Variants in ADAM12 observed in about 807,000 individuals in gnomAD.
ADAM12 encodes the protein disintegrin and metalloproteinase domain-containing protein 12.
Under a neutral mutation model 106.4 loss-of-function variants are expected in ADAM12, and 70 were observed. The observed-to-expected ratio is 0.66, with a 90% confidence interval of 0.54 to 0.80. The LOEUF is 0.80. Ranked by LOEUF, ADAM12 falls within the 30% of genes least tolerant of loss-of-function variation. The probability of loss-of-function intolerance (pLI) is 0.00; values close to 1 mark genes in which losing one functional copy is unlikely to be tolerated. For missense variants in ADAM12, 1,010 were observed against 1,171.9 expected (o/e 0.86, Z 2.02); for synonymous variants, 420 against 433.5 (o/e 0.97, Z 0.39).
At position 126,261,780 on chromosome 10, in the gene ADAM12, C is replaced by T. The variant is rs556973906; in HGVS notation, c.260+17135G>A. On this transcript the variant is annotated intron_variant, in intron 3 of 22. Transcript: ENST00000448723. Reference sequence around the variant, plus strand: ...CCACAGATTAAAAGGCCTTTTCTCTCTTAATAAGGATGGATGGATAGTATT... The same window carrying T: ...CCACAGATTAAAAGGCCTTTTCTCTTTTAATAAGGATGGATGGATAGTATT... 4.6e-5 allele frequency among the ~76,000 whole-genome samples: 7 copies of T among 150,600 alleles called. 1 individual carries two copies. Among genetic ancestry groups the T allele is most frequent in the Admixed American group, 1.3e-4 (2 of 14,930 alleles).
intron 3 of ADAM12, among the ~76,000 whole-genome samples, chr10:126,274,826 A>G (rs932751801): frequency 2.6e-5 from 4 of 152,192 alleles, no homozygotes; most frequent in Admixed American, 6.5e-5. Context: ...TGCCATCTCC[A>G]CACTGGTTAC....
At chr10:126,117,040 T>C (rs1240560727) in intron 6 of ADAM12, among the ~76,000 whole-genome samples, 1 of 152,156 alleles carries the variant, frequency 6.6e-6, no homozygotes, top group Non-Finnish European at 1.5e-5. Flanking sequence ...ACAAGCGACA[T>C]CCTATCTATA....
intron 14 of ADAM12, among the ~76,000 whole-genome samples, chr10:126,051,901 G>C (rs933464091): frequency 8.5e-5 from 13 of 152,188 alleles, no homozygotes; most frequent in African/African-American, 2.9e-4. Context: ...GGAGGGTTCA[G>C]GGGACTGTTG....
chr10:126,189,316 A>C (rs1327495828), intron 3 of ADAM12, among the ~76,000 whole-genome samples: 1 of 152,200 alleles, frequency 6.6e-6, no homozygotes, highest in African/African-American at 2.4e-5. Context: ...GGAGAAGTTC[A>C]GTGGGGATGA....
At chr10:126,112,559 A>G (rs545564276) in intron 6 of ADAM12, among the ~76,000 whole-genome samples, 1 of 152,068 alleles carries the variant, frequency 6.6e-6, no homozygotes, top group Non-Finnish European at 1.5e-5. Context: ...GGGCCTCTCA[A>G]AGTCATCACA....
At chr10:126,126,494 T>C (rs916214797) in intron 5 of ADAM12, among the ~76,000 whole-genome samples, 2 of 151,918 alleles carry the variant, frequency 1.3e-5, no homozygotes, top group African/African-American at 4.8e-5. Context: ...GACCAGTAGG[T>C]GAGTAAGTGA....
At chr10:126,128,173 G>A (rs1184268242) in intron 5 of ADAM12, among the ~76,000 whole-genome samples, 1 of 152,108 alleles carries the variant, frequency 6.6e-6, no homozygotes, top group Non-Finnish European at 1.5e-5. Context: ...AGACCTGCTC[G>A]TGGCTTGTGT....
intron 1 of ADAM12, among the ~76,000 whole-genome samples, chr10:126,334,178 T>A (rs1854615117): frequency 6.6e-6 from 1 of 152,198 alleles, no homozygotes; most frequent in African/African-American, 2.4e-5. Context: ...TATGGAGTGA[T>A]CTTATTGATA....
intron 10 of ADAM12, among the ~76,000 whole-genome samples, chr10:126,095,344 C>G (rs938288596): frequency 6.6e-6 from 1 of 151,882 alleles, no homozygotes; most frequent in Non-Finnish European, 1.5e-5. Context: ...ACCATCCTGG[C>G]TAACACAGTT....
In ADAM12 at chr10:126,065,012, A is replaced by G. The variant is rs746508283; in HGVS notation, c.1414-11T>C. On this transcript the variant is annotated splice_polypyrimidine_tract_variant and intron_variant, in intron 13 of 22. Transcript: ENST00000448723. The stretch of plus-strand genomic sequence containing the variant: ...TCCTGCAGGCTTCAGCTGGAAGGAG[A>G]GGGCCATTTATGACACATGCACCCG... 6.2e-7 allele frequency: 1 copy of G among 1,603,570 alleles called. No individual in the cohort carries two copies. The highest frequency in any genetic ancestry group is 1.3e-5 in the African/African-American group (1 of 74,780).
intron 3 of ADAM12, among the ~76,000 whole-genome samples, chr10:126,238,964 A>C (rs1958470992): frequency 6.6e-6 from 1 of 152,198 alleles, no homozygotes; most frequent in South Asian, 2.1e-4. Flanking sequence ...ATAGAGAAAG[A>C]GATAAAAGAG....
At chr10:126,124,836 G>A (rs1956173710) in intron 5 of ADAM12, among the ~76,000 whole-genome samples, 3 of 136,962 alleles carry the variant, frequency 2.2e-5, no homozygotes, top group East Asian at 2.3e-4. Context: ...AGGTTGCAGT[G>A]AGCCAAGATC....
At chr10:126,362,860 G>A (rs1359926169) in intron 1 of ADAM12, among the ~76,000 whole-genome samples, 1 of 151,964 alleles carries the variant, frequency 6.6e-6, no homozygotes, top group Non-Finnish European at 1.5e-5. Flanking sequence ...TTTGTTTTTT[G>A]AGATCTATTG....
chr10:126,213,878 A>AT (rs2133840966), intron 3 of ADAM12, among the ~76,000 whole-genome samples: 1 of 152,346 alleles, frequency 6.6e-6, no homozygotes, highest in African/African-American at 2.4e-5. Flanking sequence ...TTCCATAGAC[A>AT]TAGCAAAAGC....
chr10:126,053,542 TA>T lies in ADAM12; in HGVS notation c.1610-3874del, dbSNP rs1348567927. 6.6e-6 allele frequency among the ~76,000 whole-genome samples: 1 copy of T among 152,152 alleles called. No homozygotes were observed. The highest frequency in any genetic ancestry group is 1.9e-4 in the East Asian group (1 of 5,186). On this transcript the variant is annotated intron_variant, in intron 14 of 22. Transcript: ENST00000448723. The surrounding 1 kb of genome is among the most constrained non-coding windows in gnomAD (Gnocchi z 4.6). ...TGGCCAATTCGAATATGTGAATTTT[TA>T]CCAACACAGATGACACAGTCAAGCA...
chr10:126,131,104 C>CTTTTTTTTTTTTTT (rs71029289), intron 5 of ADAM12, among the ~76,000 whole-genome samples: 5 of 100,936 alleles, frequency 5.0e-5, no homozygotes, highest in African/African-American at 1.9e-4. Context: ...CAGCTGTCTT[C>CTTTTTTTTTTTTTT]TTTTTTTTTT....
intron 3 of ADAM12, among the ~76,000 whole-genome samples, chr10:126,238,498 A>G (rs1302099071): frequency 6.6e-6 from 1 of 152,190 alleles, no homozygotes; most frequent in Non-Finnish European, 1.5e-5. Flanking sequence ...AACAAACAAA[A>G]TTTAATTAAT....
At chr10:126,143,419 ATG>A (rs928346211) in intron 4 of ADAM12, among the ~76,000 whole-genome samples, 1 of 143,640 alleles carries the variant, frequency 7.0e-6, no homozygotes, top group African/African-American at 2.6e-5. Flanking sequence ...AGATGTGTGA[ATG>A]TGTGTATATG....
chr10:126,128,194 T>A (rs551024489), intron 5 of ADAM12, among the ~76,000 whole-genome samples: 121 of 152,026 alleles, frequency 8.0e-4, no homozygotes, highest in African/African-American at 2.8e-3. Context: ...GAGCTTCCCA[T>A]GAGGACAAGG....
Sources: gnomAD v4.1 joint callset for allele counts (sites outside exome capture counted in the v4.1 genomes callset) on GRCh38, gnomAD v4.1.1 for gene constraint, Gnocchi (gnomAD v3.1) non-coding constraint, MANE v1.5 for transcripts, NCBI Gene and HGNC (gene_info 2026-07-23, HGNC 2026-07-21) for gene names.